EXOC6B: variants seen among roughly 807,000 people sequenced by gnomAD.
The protein encoded by EXOC6B is SEC15 homolog B.
In EXOC6B, 54 loss-of-function variants were observed where a neutral mutation model predicts 113.5. That is an observed-to-expected ratio of 0.48 (90% CI 0.38 to 0.60). EXOC6B has a LOEUF of 0.60. EXOC6B is among the 20% of genes least tolerant of loss of function. The probability of loss-of-function intolerance (pLI) is 0.00; values close to 1 mark genes in which losing one functional copy is unlikely to be tolerated. For missense variants in EXOC6B, 797 were observed against 977.5 expected (o/e 0.82, Z 2.46); for synonymous variants, 357 against 339.0 (o/e 1.05, Z -0.58).
At position 72,352,600 on chromosome 2, in the gene EXOC6B, T is replaced by C. The variant is rs562489663; in HGVS notation, c.2123-17580A>G. 1.6e-4 allele frequency among the ~76,000 whole-genome samples: 25 copies of C among 152,220 alleles called. No individual in the cohort carries two copies. The South Asian group carries it at 4.6e-3, about 28-fold the overall frequency. ...TACTAGAAGTAGATTAAATATATGATTTAATTAAAACAGCAGAATCCAAAT... is the reference window on the plus strand; with the variant it reads ...TACTAGAAGTAGATTAAATATATGACTTAATTAAAACAGCAGAATCCAAAT... On this transcript the variant is annotated intron_variant, in intron 19 of 21. Transcript: ENST00000272427.
intron 1 of EXOC6B, among the ~76,000 whole-genome samples, chr2:72,752,548 ACTCTCTCT>A (rs143358400): frequency 1.2e-5 from 1 of 85,518 alleles, no homozygotes; most frequent in Non-Finnish European, 2.6e-5. Flanking sequence ...TCTCTCTCTC[ACTCTCTCT>A]CTCTCTCTCT....
At chr2:72,765,711 G>A (rs541456633) in intron 1 of EXOC6B, among the ~76,000 whole-genome samples, 2 of 152,088 alleles carry the variant, frequency 1.3e-5, no homozygotes, top group East Asian at 1.9e-4. Flanking sequence ...GAACTGCTCC[G>A]GCAACCAGAA....
intron 20 of EXOC6B, among the ~76,000 whole-genome samples, chr2:72,192,424 G>A (rs1678907559): frequency 6.6e-6 from 1 of 152,154 alleles, no homozygotes; most frequent in Non-Finnish European, 1.5e-5. Context: ...TCAAACAGGA[G>A]ATGTGATACC....
chr2:72,465,470 T>A, intron 17 of EXOC6B, 131 bp from the exon 18 acceptor site: 1 of 665,082 alleles, frequency 1.5e-6, no homozygotes, highest in Non-Finnish European at 2.4e-6. Context: ...GCCATACATA[T>A]CACAGTCTTC....
At chr2:72,528,967 T>A (rs909391523) in intron 8 of EXOC6B, among the ~76,000 whole-genome samples, 7 of 152,156 alleles carry the variant, frequency 4.6e-5, no homozygotes, top group Admixed American at 4.6e-4. Flanking sequence ...ATTTTCAATA[T>A]AGACAATCAG....
At chr2:72,300,437 G>C (rs554773695) in intron 20 of EXOC6B, among the ~76,000 whole-genome samples, 1 of 152,230 alleles carries the variant, frequency 6.6e-6, no homozygotes, top group Non-Finnish European at 1.5e-5. Context: ...ATTTCAGCCA[G>C]TGGATCTTAG....
At chr2:72,421,873 C>A (rs370743884) in intron 18 of EXOC6B, among the ~76,000 whole-genome samples, 1 of 152,224 alleles carries the variant, frequency 6.6e-6, no homozygotes, top group Non-Finnish European at 1.5e-5. Flanking sequence ...CGCTTGCGGG[C>A]CAGCTGGAGT....
intron 8 of EXOC6B, among the ~76,000 whole-genome samples, chr2:72,536,654 T>C (rs998687454): frequency 2.6e-5 from 4 of 152,158 alleles, no homozygotes; most frequent in Admixed American, 1.3e-4. Context: ...CCAAAATAAC[T>C]GTCAAAATAA....
At chr2:72,190,495 T>TA (rs1678758903) in intron 20 of EXOC6B, among the ~76,000 whole-genome samples, 1 of 152,134 alleles carries the variant, frequency 6.6e-6, no homozygotes, top group South Asian at 2.1e-4. Context: ...AACAGCAATA[T>TA]AAAAAAGTGT....
At chr2:72,739,736 T>G (rs1042214476) in intron 2 of EXOC6B, among the ~76,000 whole-genome samples, 1 of 152,150 alleles carries the variant, frequency 6.6e-6, no homozygotes, top group African/African-American at 2.4e-5. Flanking sequence ...ATGAAAATAG[T>G]TAAGCATTAA....
At chr2:72,344,865 A>G (rs950188220) in intron 19 of EXOC6B, among the ~76,000 whole-genome samples, 1 of 152,118 alleles carries the variant, frequency 6.6e-6, no homozygotes, top group African/African-American at 2.4e-5. Context: ...ATCTCCTGAC[A>G]TCATTTTAGC....
chr2:72,453,092 T>C (rs1483578371), intron 18 of EXOC6B, among the ~76,000 whole-genome samples: 1 of 152,202 alleles, frequency 6.6e-6, no homozygotes, highest in Non-Finnish European at 1.5e-5. Flanking sequence ...AAAGAGTATA[T>C]GCTTTGGAAT....
At chr2:72,399,852 A>G (rs1693022035) in intron 18 of EXOC6B, among the ~76,000 whole-genome samples, 1 of 152,174 alleles carries the variant, frequency 6.6e-6, no homozygotes, top group African/African-American at 2.4e-5. Flanking sequence ...AAATAACCAT[A>G]CTGCCCAAAG....
At chr2:72,652,141 G>A (rs926348330) in intron 6 of EXOC6B, among the ~76,000 whole-genome samples, 2 of 149,792 alleles carry the variant, frequency 1.3e-5, no homozygotes, top group African/African-American at 2.5e-5. Context: ...AAAGAATTAC[G>A]ACATATAATG....
intron 18 of EXOC6B, among the ~76,000 whole-genome samples, chr2:72,459,325 G>T (rs980133733): frequency 6.6e-6 from 1 of 152,044 alleles, no homozygotes; most frequent in South Asian, 2.1e-4. Context: ...CACCACTCCT[G>T]TTCAACATAG....
At chr2:72,401,614 T>TATATATACATATATATATATATAC (rs1693288458) in intron 18 of EXOC6B, among the ~76,000 whole-genome samples, 1 of 44,042 alleles carries the variant, frequency 2.3e-5, no homozygotes, top group Non-Finnish European at 3.4e-5. Context: ...TGTATATATA[T>TATATATACATATATATATATATAC]ATATATACAT....
At chr2:72,814,835 C>T (rs1246343519) in intron 1 of EXOC6B, among the ~76,000 whole-genome samples, 1 of 151,796 alleles carries the variant, frequency 6.6e-6, no homozygotes, top group African/African-American at 2.4e-5. Flanking sequence ...ACTAAAAATA[C>T]AAAAAATTAG....
At chr2:72,729,842 A>AT (rs1248526105) in intron 5 of EXOC6B, among the ~76,000 whole-genome samples, 1 of 152,162 alleles carries the variant, frequency 6.6e-6, no homozygotes, top group East Asian at 1.9e-4. Flanking sequence ...ATGTTCTCTT[A>AT]TGAGAGCATG....
intron 18 of EXOC6B, among the ~76,000 whole-genome samples, chr2:72,390,712 C>G (rs1023019375): frequency 1.3e-5 from 2 of 152,194 alleles, no homozygotes; most frequent in African/African-American, 2.4e-5. Flanking sequence ...ACTAGCCTCT[C>G]ATTGCTGTCT....
Sources: allele counts gnomAD v4.1 joint callset (sites outside exome capture counted in the v4.1 genomes callset), GRCh38; gene constraint gnomAD v4.1.1; transcripts MANE v1.5; gene names NCBI Gene and HGNC (gene_info 2026-07-23, HGNC 2026-07-21).